The following SUFU variants were observed in gnomAD, a reference collection of about 807,000 sequenced individuals.
The protein encoded by SUFU is SUFU negative regulator of hedgehog signaling.
Under a neutral mutation model 58.9 loss-of-function variants are expected in SUFU, and 7 were observed. That is an observed-to-expected ratio of 0.12 (90% CI 0.07 to 0.22). The LOEUF (loss-of-function observed/expected upper bound fraction) is 0.22, where lower values mean the gene tolerates loss of function less well. Ranked by LOEUF, SUFU falls within the 10% of genes least tolerant of loss-of-function variation. The pLI, the probability that SUFU is intolerant of heterozygous loss-of-function variation, is 1.00. For synonymous variants in SUFU, 232 were observed against 254.8 expected, an observed-to-expected ratio of 0.91 and a Z score of 0.85; for missense variants, 451 against 641.3, an observed-to-expected ratio of 0.70 and a Z score of 3.20.
chr10:102,532,577 C>T (rs1020947857), intron 2 of SUFU, among the ~76,000 whole-genome samples: 1 of 152,156 alleles, frequency 6.6e-6, no homozygotes, highest in South Asian at 2.1e-4. Context: ...GGCAGAATTC[C>T]TTTCCTTGGA....
chr10:102,573,519 A>G (rs921529961), intron 3 of SUFU, among the ~76,000 whole-genome samples: 3 of 152,244 alleles, frequency 2.0e-5, no homozygotes, highest in Non-Finnish European at 2.9e-5. Context: ...AGGGACTTGA[A>G]CAGATATTTG....
intron 3 of SUFU, among the ~76,000 whole-genome samples, chr10:102,555,665 A>G (rs1406910369): frequency 6.6e-6 from 1 of 152,196 alleles, no homozygotes; most frequent in Non-Finnish European, 1.5e-5. Flanking sequence ...TCCTTTAATA[A>G]GGTGAAGAAT....
rs536068954 is a variant in SUFU at position 102,631,875 on chromosome 10, C to G, written c.*1720C>G. 605 of 233,340 alleles carry G rather than the reference C, an allele frequency of 2.6e-3. No homozygotes were observed. The highest frequency in any genetic ancestry group is 8.9e-3 in the Middle Eastern group (7 of 786). The allele number at this position is 233,340 out of a possible 1,614,324, so 14.5% of individuals were successfully genotyped here. On this transcript the variant is annotated 3_prime_UTR_variant, in exon 12 of 12. Transcript: ENST00000369902. ...TTGGGAGAGACTGGCTGCAGATCCC[C>G]GCCAGCCAAGATGCAAGCCACTCGG...
At chr10:102,624,663 CAGAT>C (rs1355233158) in intron 10 of SUFU, among the ~76,000 whole-genome samples, 1 of 152,212 alleles carries the variant, frequency 6.6e-6, no homozygotes, top group African/African-American at 2.4e-5. Flanking sequence ...AGTCCACACA[CAGAT>C]GGTGCCGCGC....
At chr10:102,564,967 T>C (rs879113121) in intron 3 of SUFU, among the ~76,000 whole-genome samples, 1 of 152,178 alleles carries the variant, frequency 6.6e-6, no homozygotes, top group Admixed American at 6.6e-5. Flanking sequence ...CAGAAATGAG[T>C]TTGTGCCCTA....
At chr10:102,547,185 C>T (rs902032427) in intron 2 of SUFU, among the ~76,000 whole-genome samples, 2 of 152,180 alleles carry the variant, frequency 1.3e-5, no homozygotes, top group African/African-American at 2.4e-5. Context: ...TAATTGGTGG[C>T]TGCTTAAAAT....
chr10:102,529,117 A>G (rs969840938), intron 2 of SUFU, among the ~76,000 whole-genome samples: 5 of 152,080 alleles, frequency 3.3e-5, no homozygotes, highest in Non-Finnish European at 5.9e-5. Context: ...TATTTTTACA[A>G]AGTTTTGCTA....
At chr10:102,551,277 C>T (rs1280441975) in intron 3 of SUFU, among the ~76,000 whole-genome samples, 3 of 152,182 alleles carry the variant, frequency 2.0e-5, no homozygotes, top group East Asian at 3.8e-4. Flanking sequence ...TCAACCTCTT[C>T]GAGGAGCTTG....
intron 3 of SUFU, among the ~76,000 whole-genome samples, chr10:102,568,871 T>C (rs1279941650): frequency 6.9e-5 from 2 of 29,188 alleles, no homozygotes; most frequent in African/African-American, 2.7e-4. Context: ...CAAAACTCTG[T>C]CTCAAAAAAA....
At chr10:102,557,239 A>G (rs1202940331) in intron 3 of SUFU, among the ~76,000 whole-genome samples, 1 of 151,836 alleles carries the variant, frequency 6.6e-6, no homozygotes, top group African/African-American at 2.4e-5. Context: ...CTAAAAAAAA[A>G]AAAAAAGAAA....
intron 3 of SUFU, chr10:102,579,981 C>T (rs942553426): frequency 2.3e-6 from 1 of 426,232 alleles, no homozygotes; most frequent in Non-Finnish European, 3.1e-6. Flanking sequence ...GCCCCAAGAG[C>T]TCCTCAGCCA....
At chr10:102,579,992 C>T (rs2063256287) in intron 3 of SUFU, 1 of 317,724 alleles carries the variant, frequency 3.1e-6, no homozygotes, top group Non-Finnish European at 4.5e-6. Context: ...TCCTCAGCCA[C>T]ATGTACAGAG....
At chr10:102,577,538 CA>C (rs767940562) in intron 3 of SUFU, among the ~76,000 whole-genome samples, 75 of 152,234 alleles carry the variant, frequency 4.9e-4, no homozygotes, top group Admixed American at 3.5e-3. Context: ...AGGGTTTTGC[CA>C]TGTTGCCAAG....
Position 102,619,143 on chromosome 10 carries a change from C to T in SUFU, c.1296+1715C>T. On this transcript the variant is annotated intron_variant, in intron 10 of 11. Coordinates refer to ENST00000369902, the MANE Select transcript of SUFU (RefSeq NM_016169.4). This position sits in a 1 kb window ranked among gnomAD's most constrained non-coding sequence, Gnocchi z 4.2. ...CCTGAGGAGAGGGTAGTCAGCATCTCCAATTTTCAGCAGCTCAAGAACCTT... is the reference window on the plus strand; with the variant it reads ...CCTGAGGAGAGGGTAGTCAGCATCTTCAATTTTCAGCAGCTCAAGAACCTT... 6.2e-7 allele frequency: 1 copy of T among 1,612,298 alleles called. No individual in the cohort carries two copies. Among genetic ancestry groups the T allele is most frequent in the Non-Finnish European group, 8.5e-7 (1 of 1,179,814 alleles).
chr10:102,573,256 A>G (rs2063181285), intron 3 of SUFU: 1 of 663,600 alleles, frequency 1.5e-6, no homozygotes, highest in African/African-American at 1.8e-5. Context: ...TTTAATTAAC[A>G]CAAAATCATC....
chr10:102,541,402 TCTTTC>T (rs1442544400), intron 2 of SUFU, among the ~76,000 whole-genome samples: 102 of 1,358 alleles, frequency 0.075, no homozygotes, highest in South Asian at 0.33. Context: ...TTTCTTTCTT[TCTTTC>T]TTTTTTTTTG....
intron 2 of SUFU, among the ~76,000 whole-genome samples, chr10:102,549,438 G>A (rs113974021): frequency 1.2e-3 from 188 of 152,272 alleles, no homozygotes; most frequent in African/African-American, 4.2e-3. Context: ...CCACCCCTGT[G>A]ATCCAGTTAT....
chr10:102,597,318 A>G (rs2063473822), intron 7 of SUFU, 25 bp downstream of exon 7: 1 of 1,606,902 alleles, frequency 6.2e-7, no homozygotes, highest in Non-Finnish European at 8.5e-7. Flanking sequence ...TCAGCATTCC[A>G]CCAGCCTTCC....
chr10:102,568,891 AAAAAAAATATATAT>A (rs2063123251), intron 3 of SUFU, among the ~76,000 whole-genome samples: 1 of 40,066 alleles, frequency 2.5e-5, no homozygotes, highest in South Asian at 7.7e-4. Flanking sequence ...AAAAAAAAAA[AAAAAAAATATATAT>A]ATATATATAT....
Sources: gnomAD v4.1 joint callset for allele counts (sites outside exome capture counted in the v4.1 genomes callset) on GRCh38, gnomAD v4.1.1 for gene constraint, Gnocchi (gnomAD v3.1) non-coding constraint, MANE v1.5 for transcripts, NCBI Gene and HGNC (gene_info 2026-07-23, HGNC 2026-07-21) for gene names.